CSNK2A2IP: variants seen among roughly 807,000 people sequenced by gnomAD.
The protein encoded by CSNK2A2IP is casein kinase 2 subunit alpha' interacting protein, also known as casein kinase II subunit alpha'-interacting protein.
the CSNK2A2IP span, among the ~76,000 whole-genome samples, chr3:88,439,424 G>T: frequency 1.3e-5 from 2 of 151,738 alleles, no homozygotes; most frequent in East Asian, 1.9e-4. Context: ...GATTGGTTTG[G>T]TTTCAGTTTA....
the CSNK2A2IP span, among the ~76,000 whole-genome samples, chr3:88,425,700 G>A: frequency 6.6e-6 from 1 of 152,044 alleles, no homozygotes; most frequent in Non-Finnish European, 1.5e-5. Context: ...ATTAGTGGTA[G>A]CAAGTAATAA....
At chr3:88,412,867 A>G in the CSNK2A2IP span, among the ~76,000 whole-genome samples, 2 of 152,044 alleles carry the variant, frequency 1.3e-5, no homozygotes. Context: ...ATACAGAATT[A>G]TAATTTTTTG....
At chr3:88,410,868 T>C in the CSNK2A2IP span, among the ~76,000 whole-genome samples, 1 of 151,976 alleles carries the variant, frequency 6.6e-6, no homozygotes. Context: ...TTGTTATATA[T>C]ATAGAGAGCG....
the CSNK2A2IP span, among the ~76,000 whole-genome samples, chr3:88,343,895 C>T: frequency 1.3e-5 from 2 of 151,814 alleles, no homozygotes; most frequent in Non-Finnish European, 2.9e-5. Context: ...TTTTATTTTT[C>T]AATCAATATT....
chr3:88,375,009 T>A, the CSNK2A2IP span, among the ~76,000 whole-genome samples: 1 of 151,714 alleles, frequency 6.6e-6, no homozygotes, highest in Non-Finnish European at 1.5e-5. Flanking sequence ...CACAACCTCA[T>A]GCATAAAATT....
the CSNK2A2IP span, among the ~76,000 whole-genome samples, chr3:88,455,652 A>G: frequency 6.6e-6 from 1 of 151,686 alleles, no homozygotes; most frequent in East Asian, 1.9e-4. Flanking sequence ...TCTGTGAGCT[A>G]CCTTTTCATT....
chr3:88,424,828 G>A, the CSNK2A2IP span, among the ~76,000 whole-genome samples: 1 of 150,806 alleles, frequency 6.6e-6, no homozygotes, highest in Non-Finnish European at 1.5e-5. Context: ...TCTTTTGAAT[G>A]TGAAAATCTT....
the CSNK2A2IP span, among the ~76,000 whole-genome samples, chr3:88,411,347 T>A: frequency 1.3e-5 from 2 of 148,218 alleles, no homozygotes; most frequent in South Asian, 4.2e-4. Context: ...TCACTCTATC[T>A]ATCATCTATC....
At chr3:88,384,198 A>G in the CSNK2A2IP span, among the ~76,000 whole-genome samples, 1 of 152,070 alleles carries the variant, frequency 6.6e-6, no homozygotes, top group Non-Finnish European at 1.5e-5. Context: ...AAACCCGGAA[A>G]CAAATACATA....
chr3:88,452,189 T>C, the CSNK2A2IP span, among the ~76,000 whole-genome samples: 1 of 151,824 alleles, frequency 6.6e-6, no homozygotes, highest in South Asian at 2.1e-4. Context: ...TTTTTTTTTT[T>C]TTTACTTCCT....
At chr3:88,425,171 TCAC>T in the CSNK2A2IP span, among the ~76,000 whole-genome samples, 1 of 151,954 alleles carries the variant, frequency 6.6e-6, no homozygotes. Flanking sequence ...ATCAGAAAAA[TCAC>T]ATTTTCTAGA....
At chr3:88,366,456 A>C in the CSNK2A2IP span, among the ~76,000 whole-genome samples, 1 of 152,158 alleles carries the variant, frequency 6.6e-6, no homozygotes, top group African/African-American at 2.4e-5. Context: ...AGAGATTTGA[A>C]ATTTTCATGT....
the CSNK2A2IP span, among the ~76,000 whole-genome samples, chr3:88,370,604 C>T: frequency 7.9e-6 from 1 of 126,452 alleles, no homozygotes; most frequent in Non-Finnish European, 1.9e-5. Flanking sequence ...TTCTTTCTCT[C>T]TCTCTCTCTT....
the CSNK2A2IP span, among the ~76,000 whole-genome samples, chr3:88,420,377 C>G: frequency 1.3e-5 from 2 of 152,104 alleles, no homozygotes; most frequent in Non-Finnish European, 2.9e-5. Flanking sequence ...GCAAATCTGT[C>G]TTCCCTATGT....
At chr3:88,417,976 A>C in the CSNK2A2IP span, among the ~76,000 whole-genome samples, 1 of 152,194 alleles carries the variant, frequency 6.6e-6, no homozygotes, top group Non-Finnish European at 1.5e-5. Context: ...TGCTTTGAAA[A>C]ATATTTTAAA....
chr3:88,453,219 A>G, the CSNK2A2IP span, among the ~76,000 whole-genome samples: 21 of 152,246 alleles, frequency 1.4e-4, no homozygotes, highest in Non-Finnish European at 2.2e-4. Flanking sequence ...AACTTAGTGC[A>G]CTAAGAATTA....
At chr3:88,435,218 C>A in the CSNK2A2IP span, among the ~76,000 whole-genome samples, 1 of 152,114 alleles carries the variant, frequency 6.6e-6, no homozygotes, top group Non-Finnish European at 1.5e-5. Flanking sequence ...TTCCCAGGTG[C>A]CTCTGGGGAT....
the CSNK2A2IP span, among the ~76,000 whole-genome samples, chr3:88,345,340 GCTTT>G: frequency 1.3e-5 from 2 of 151,938 alleles, no homozygotes; most frequent in Non-Finnish European, 2.9e-5. Flanking sequence ...CTTTACCTCT[GCTTT>G]CTTTAATTAT....
the CSNK2A2IP span, among the ~76,000 whole-genome samples, chr3:88,436,183 C>T: frequency 2.0e-5 from 3 of 152,044 alleles, no homozygotes; most frequent in Non-Finnish European, 4.4e-5. Context: ...ATTATAAACA[C>T]CTCATATAAT....
Sources: gnomAD v4.1 joint callset for allele counts (sites outside exome capture counted in the v4.1 genomes callset) on GRCh38, gnomAD v4.1.1 for gene constraint, MANE v1.5 for transcripts, NCBI Gene and HGNC (gene_info 2026-07-23, HGNC 2026-07-21) for gene names.